FAM32A: variants seen among roughly 807,000 people sequenced by gnomAD.
FAM32A encodes protein FAM32A.
In FAM32A, 9 loss-of-function variants were observed where a neutral mutation model predicts 15.8. That is an observed-to-expected ratio of 0.57 (90% CI 0.34 to 1.00). FAM32A has a LOEUF of 1.00. Ranked by LOEUF, FAM32A falls within the 50% of genes least tolerant of loss-of-function variation. The pLI is 0.02. For missense variants in FAM32A, 113 were observed against 138.3 expected (o/e 0.82, Z 0.92); for synonymous variants, 64 against 54.9 (o/e 1.16, Z -0.73).
chr19:16,190,591 G>T lies in FAM32A; in HGVS notation c.270+18G>T. On this transcript the variant is annotated intron_variant, in intron 3 of 3. Transcript: ENST00000263384. Reference sequence around the variant, plus strand: ...GAGTGGAGGTGAGTCGCCGTGTCCAGTGGGGGAGACTGAGCCATTCAGGGT... The same window carrying T: ...GAGTGGAGGTGAGTCGCCGTGTCCATTGGGGGAGACTGAGCCATTCAGGGT... 1.2e-6 allele frequency: 2 copies of T among 1,605,126 alleles called. No individual in the cohort carries two copies. Among genetic ancestry groups the T allele is most frequent in the African/African-American group, 2.7e-5 (2 of 74,856 alleles).
At position 16,191,794 on chromosome 19, in the gene FAM32A, C is replaced by T. The variant is rs2091408406; in HGVS notation, c.*839C>T. On this transcript the variant is annotated 3_prime_UTR_variant, in exon 4 of 4. Transcript: ENST00000263384. ...ACGGACGTCTCAGGGGTGACAGGAC[C>T]AGGGCAGAGCCCCGGTACAAACAGA... 6.6e-6 allele frequency: 1 copy of T among 152,110 alleles called. No homozygotes were observed. The highest frequency in any genetic ancestry group is 2.4e-5 in the African/African-American group (1 of 41,400). 9.4% of individuals were successfully genotyped at this position (152,110 alleles called of 1,614,324 possible).
Position 16,185,486 on chromosome 19 carries a change from A to G in FAM32A, c.44A>G (p.Lys15Arg). The G allele has an allele frequency of 6.4e-7, 1 of 1,564,544 alleles. No homozygotes were observed. Among genetic ancestry groups the G allele is most frequent in the Non-Finnish European group, 8.7e-7 (1 of 1,154,000 alleles). The stretch of plus-strand genomic sequence containing the variant: ...GTCCAAAAGGGACCCCTGAAGCTGA[A>G]AGGCGTCGCAGAGCTGGGAGTGACC... The part of the protein sequence containing the change: ...EQVQKGPLKL[K>R]GVAELGVTKR... Residue 15 changes from lysine (K) to arginine (R), a missense_variant, in exon 1 of 4, where the codon AAA becomes AGA. Around this residue, in one of 2 missense-constraint regions of FAM32A, gnomAD observed 112 missense variants for 118.6 expected, o/e 0.94. Coordinates refer to ENST00000263384, the MANE Select transcript of FAM32A (RefSeq NM_014077.4).
In FAM32A at chr19:16,191,043, C is replaced by A; in HGVS notation, c.*88C>A. 1.0e-6 allele frequency: 1 copy of A among 974,308 alleles called. No individual in the cohort carries two copies. The highest frequency in any genetic ancestry group is 1.6e-6 in the Non-Finnish European group (1 of 606,262). 60.4% of individuals were successfully genotyped at this position (974,308 alleles called of 1,614,324 possible). On this transcript the variant is annotated 3_prime_UTR_variant, in exon 4 of 4. Transcript: ENST00000263384. ...TGTTTCCTTTGGTATATTCTGGAAA[C>A]ATGGCTACACACACCCTTGCATCTT...
At position 16,185,417 on chromosome 19, in the gene FAM32A, C is replaced by T; in HGVS notation, c.-26C>T. 1 of 1,549,114 alleles carries T rather than the reference C, an allele frequency of 6.5e-7. No individual in the cohort carries two copies. Among genetic ancestry groups the T allele is most frequent in the African/African-American group, 1.4e-5 (1 of 73,158 alleles). On this transcript the variant is annotated 5_prime_UTR_variant, in exon 1 of 4. Transcript: ENST00000263384. ...TTTGCAAACAGGAAGTGTGGCACTC[C>T]AGCTACCGAAGCACTGGAGAGTGTC...
rs566190835 is a variant in FAM32A, at chr19:16,191,014, T to C, written c.*59T>C. On this transcript the variant is annotated 3_prime_UTR_variant, in exon 4 of 4. Coordinates refer to ENST00000263384, the MANE Select transcript of FAM32A (RefSeq NM_014077.4). Reference sequence around the variant, plus strand: ...TTCGCAAAAGGCCACACTGGGGTTGTGTGTGTTTCCTTTGGTATATTCTGG... The same window carrying C: ...TTCGCAAAAGGCCACACTGGGGTTGCGTGTGTTTCCTTTGGTATATTCTGG... 7.7e-7 allele frequency: 1 copy of C among 1,300,702 alleles called. No individual in the cohort carries two copies. The highest frequency in any genetic ancestry group is 1.5e-5 in the African/African-American group (1 of 68,828). 80.6% of individuals were successfully genotyped at this position (1,300,702 alleles called of 1,614,324 possible). A position where few individuals can be genotyped will look rare whatever the true frequency, so the allele number is the denominator to read the frequency against.
In FAM32A at chr19:16,191,983, G is replaced by T. The variant is rs1363555734; in HGVS notation, c.*1028G>T. On this transcript the variant is annotated 3_prime_UTR_variant, in exon 4 of 4. Transcript: ENST00000263384. Reference sequence around the variant, plus strand: ...AATAATGAAGGCAGAAGAGAAAAACGAAGTGTGGAATTTGGGGTTGTCCTG... The same window carrying T: ...AATAATGAAGGCAGAAGAGAAAAACTAAGTGTGGAATTTGGGGTTGTCCTG... 5 of 152,320 alleles carry T rather than the reference G, an allele frequency of 3.3e-5. No homozygotes were observed. The highest frequency in any genetic ancestry group is 1.2e-4 in the African/African-American group (5 of 41,588). 9.4% of individuals were successfully genotyped at this position (152,320 alleles called of 1,614,324 possible). A position where few individuals can be genotyped will look rare whatever the true frequency, so the allele number is the denominator to read the frequency against.
intron 2 of FAM32A, among the ~76,000 whole-genome samples, chr19:16,186,922 G>A (rs1360335335): frequency 2.0e-5 from 3 of 152,204 alleles, no homozygotes; most frequent in Non-Finnish European, 2.9e-5. Flanking sequence ...ACAGCCTGCC[G>A]CAGCAAAGAG....
chr19:16,191,066 C>A lies in FAM32A; in HGVS notation c.*111C>A. 9.7e-6 allele frequency: 8 copies of A among 823,546 alleles called. No homozygotes were observed. The South Asian group carries it at 1.1e-4, about 12-fold the overall frequency. The allele number at this position is 823,546 out of a possible 1,614,324, so 51.0% of individuals were successfully genotyped here. A position where few individuals can be genotyped will look rare whatever the true frequency, so the allele number is the denominator to read the frequency against. The stretch of plus-strand genomic sequence containing the variant: ...AACATGGCTACACACACCCTTGCAT[C>A]TTCTGCTACAGACTGCTTTTCGAAG... On this transcript the variant is annotated 3_prime_UTR_variant, in exon 4 of 4. Coordinates refer to ENST00000263384, the MANE Select transcript of FAM32A (RefSeq NM_014077.4).
intron 2 of FAM32A, 71 bp downstream of exon 2, chr19:16,185,836 G>A (rs2091383768): frequency 6.7e-7 from 1 of 1,492,268 alleles, no homozygotes; most frequent in Non-Finnish European, 9.0e-7. Context: ...TGGGGTCAGG[G>A]CTGGGACGCT....
At position 16,185,775 on chromosome 19, in the gene FAM32A, A is replaced by C. The variant is rs1374424224; in HGVS notation, c.216+10A>C. Reference sequence around the variant, plus strand: ...AATGCAGGAGAAGCGGGTGAGCAGAAGCAGAAGGCGGCGGGGAGGCGGGAA... The same window carrying C: ...AATGCAGGAGAAGCGGGTGAGCAGACGCAGAAGGCGGCGGGGAGGCGGGAA... On this transcript the variant is annotated intron_variant, in intron 2 of 3. Coordinates refer to ENST00000263384, the MANE Select transcript of FAM32A (RefSeq NM_014077.4). The C allele has an allele frequency of 6.5e-7, 1 of 1,546,780 alleles. No individual in the cohort carries two copies. The highest frequency in any genetic ancestry group is 2.0e-5 in the Admixed American group (1 of 49,270).
rs1221489633 is a variant in FAM32A, at chr19:16,191,602, C to T, written c.*647C>T. On this transcript the variant is annotated 3_prime_UTR_variant, in exon 4 of 4. Coordinates refer to ENST00000263384, the MANE Select transcript of FAM32A (RefSeq NM_014077.4). ...TTTCCCAAAACCCCCCTTCCAGGTG[C>T]TTCTAATGGGTGTTGCCATAGCAGA... is the stretch of plus-strand genomic sequence containing the variant. 1.3e-5 allele frequency: 2 copies of T among 153,332 alleles called. No homozygotes were observed. The highest frequency in any genetic ancestry group is 1.3e-4 in the Admixed American group (2 of 15,436). The allele number at this position is 153,332 out of a possible 1,614,324, so 9.5% of individuals were successfully genotyped here.
chr19:16,188,734 G>C (rs1234247598), intron 2 of FAM32A, among the ~76,000 whole-genome samples: 2 of 152,254 alleles, frequency 1.3e-5, no homozygotes, highest in African/African-American at 4.8e-5. Flanking sequence ...AAGAGGGACA[G>C]AGATGGGCAG....
chr19:16,187,008 A>G (rs539512808), intron 2 of FAM32A, among the ~76,000 whole-genome samples: 7 of 152,266 alleles, frequency 4.6e-5, no homozygotes, highest in African/African-American at 1.7e-4. Context: ...GTACGGTGAC[A>G]CTGGGGAAAA....
chr19:16,191,006 T>G lies in FAM32A; in HGVS notation c.*51T>G. 7.4e-7 allele frequency: 1 copy of G among 1,351,954 alleles called. No homozygotes were observed. The highest frequency in any genetic ancestry group is 1.1e-6 in the Non-Finnish European group (1 of 941,294). 83.7% of individuals were successfully genotyped at this position (1,351,954 alleles called of 1,614,324 possible). A position where few individuals can be genotyped will look rare whatever the true frequency, so the allele number is the denominator to read the frequency against. On this transcript the variant is annotated 3_prime_UTR_variant, in exon 4 of 4. Transcript: ENST00000263384. ...ATCGAGGGTTCGCAAAAGGCCACAC[T>G]GGGGTTGTGTGTGTTTCCTTTGGTA... is the stretch of plus-strand genomic sequence containing the variant.
At chr19:16,185,824 A>G (rs1282744272) in intron 2 of FAM32A, 59 bp downstream of exon 2, 1 of 1,529,884 alleles carries the variant, frequency 6.5e-7, no homozygotes, top group Non-Finnish European at 8.8e-7. Context: ...GAGACTGGAA[A>G]TTGGGGTCAG....
At chr19:16,190,828 T>C in intron 3 of FAM32A, 59 bp from the exon 4 acceptor site, 17 of 1,420,766 alleles carry the variant, frequency 1.2e-5, no homozygotes, top group Non-Finnish European at 1.7e-5. Flanking sequence ...CAGTGCCACT[T>C]CTCCCCAGTA....
intron 2 of FAM32A, chr19:16,189,486 T>A (rs1243173924): frequency 1.3e-5 from 2 of 152,138 alleles, no homozygotes; most frequent in African/African-American, 4.8e-5. Context: ...ACTGTGTTCC[T>A]TCGAGTTAAC....
At chr19:16,188,819 G>C (rs540409368) in intron 2 of FAM32A, among the ~76,000 whole-genome samples, 23 of 152,028 alleles carry the variant, frequency 1.5e-4, no homozygotes, top group South Asian at 2.1e-4. Context: ...GAAGGAGAAG[G>C]GGGGGACAGA....
intron 3 of FAM32A, 44 bp downstream of exon 3, chr19:16,190,617 C>T (rs767431285): frequency 6.8e-7 from 1 of 1,465,176 alleles, no homozygotes; most frequent in Admixed American, 1.7e-5. Flanking sequence ...CATTCAGGGT[C>T]CCAGCTGGGC....
Sources: allele counts gnomAD v4.1 joint callset (sites outside exome capture counted in the v4.1 genomes callset), GRCh38; gene constraint gnomAD v4.1.1; regional missense constraint gnomAD v4.1.1; transcripts MANE v1.5; gene names NCBI Gene and HGNC (gene_info 2026-07-23, HGNC 2026-07-21).